Variants in RANBP2 observed in about 807,000 individuals in gnomAD.
RANBP2 encodes E3 SUMO-protein ligase RanBP2.
RANBP2 carries 57 observed loss-of-function variants against 303.6 expected under a neutral mutation model. The observed-to-expected ratio is 0.19, with a 90% CI of 0.15 to 0.23. The LOEUF (loss-of-function observed/expected upper bound fraction) is 0.23. Among genes scored for constraint, RANBP2 ranks in the 10% least tolerant of loss-of-function variants. The pLI is 1.00. For synonymous variants in RANBP2, 1,167 were observed against 1,301.5 expected, an observed-to-expected ratio of 0.90 and a Z score of 2.23; for missense variants, 3,138 against 3,780.8, an observed-to-expected ratio of 0.83 and a Z score of 4.46.
chr2:109,423,884 C>T, the RANBP2 span, among the ~76,000 whole-genome samples: 15 of 152,218 alleles, frequency 9.9e-5, no homozygotes, highest in African/African-American at 2.4e-4. Flanking sequence ...GAGGGCACAG[C>T]TGGGACCCCA....
At chr2:109,367,558 A>G in the RANBP2 span, among the ~76,000 whole-genome samples, 1 of 152,232 alleles carries the variant, frequency 6.6e-6, no homozygotes, top group Non-Finnish European at 1.5e-5. Flanking sequence ...CTGGGATTAC[A>G]GGCATGAGCC....
chr2:109,619,287 A>G, the RANBP2 span, among the ~76,000 whole-genome samples: 1 of 152,242 alleles, frequency 6.6e-6, no homozygotes, highest in Non-Finnish European at 1.5e-5. Flanking sequence ...GTTTGGCACC[A>G]GTGATGGAGG....
chr2:109,307,817 C>G, the RANBP2 span, among the ~76,000 whole-genome samples: 2 of 143,772 alleles, frequency 1.4e-5, no homozygotes, highest in African/African-American at 2.7e-5. Context: ...TTAATCCAGT[C>G]TATCATTGTT....
the RANBP2 span, among the ~76,000 whole-genome samples, chr2:109,688,782 A>T: frequency 0.035 from 3,397 of 97,444 alleles, 50 homozygotes; most frequent in African/African-American, 0.079. Flanking sequence ...CTGTCTCAAT[A>T]AAAAAAAAAA....
the RANBP2 span, chr2:108,897,378 A>G: frequency 3.8e-6 from 3 of 782,998 alleles, no homozygotes; most frequent in African/African-American, 3.4e-5. Context: ...AAACAAATGC[A>G]TAACTTAAGG....
the RANBP2 span, chr2:108,815,830 T>C: frequency 4.5e-6 from 4 of 887,652 alleles, no homozygotes; most frequent in African/African-American, 1.7e-5. Context: ...TAACACATTT[T>C]AGTGAATTAC....
chr2:109,153,073 G>C, the RANBP2 span, among the ~76,000 whole-genome samples: 2 of 152,172 alleles, frequency 1.3e-5, no homozygotes, highest in Non-Finnish European at 2.9e-5. Flanking sequence ...GCAAAGACAA[G>C]ACAGTCACTG....
the RANBP2 span, among the ~76,000 whole-genome samples, chr2:109,217,934 A>G: frequency 2.2e-4 from 33 of 152,198 alleles, no homozygotes; most frequent in Admixed American, 2.2e-3. Flanking sequence ...AAGACAGCTC[A>G]GCCAGGACCT....
the RANBP2 span, among the ~76,000 whole-genome samples, chr2:108,850,443 T>G: frequency 1.3e-5 from 2 of 152,134 alleles, no homozygotes; most frequent in African/African-American, 2.4e-5. Flanking sequence ...TGGCGAGTTT[T>G]TTTTGTTTTG....
chr2:109,688,350 T>C, the RANBP2 span, among the ~76,000 whole-genome samples: 1 of 152,124 alleles, frequency 6.6e-6, no homozygotes, highest in African/African-American at 2.4e-5. Flanking sequence ...TTTGGCTCTG[T>C]GAAGGCTCTC....
At chr2:109,441,470 A>T in the RANBP2 span, among the ~76,000 whole-genome samples, 2 of 152,210 alleles carry the variant, frequency 1.3e-5, no homozygotes, top group African/African-American at 4.8e-5. Context: ...TGTAAACTTG[A>T]AGATATAGTA....
chr2:108,852,207 ACAAT>A, the RANBP2 span, among the ~76,000 whole-genome samples: 1 of 152,224 alleles, frequency 6.6e-6, no homozygotes. Flanking sequence ...TTAGCTGCAC[ACAAT>A]CAGTATGTGA....
chr2:108,860,219 A>G, the RANBP2 span, among the ~76,000 whole-genome samples: 1 of 152,024 alleles, frequency 6.6e-6, no homozygotes, highest in Admixed American at 6.5e-5. Context: ...CACTGAAGTC[A>G]TGTTTCAGGT....
chr2:109,583,853 G>A, the RANBP2 span, among the ~76,000 whole-genome samples: 105 of 152,270 alleles, frequency 6.9e-4, 1 homozygote, highest in African/African-American at 2.5e-3. Context: ...GGATGAAGCT[G>A]GAGGCCGTTA....
At position 108,781,340 on chromosome 2, in the gene RANBP2, G is replaced by C; in HGVS notation, c.8671G>C (p.Gly2891Arg). The C allele has an allele frequency of 6.2e-7, 1 of 1,614,152 alleles. No homozygotes were observed. Among genetic ancestry groups the C allele is most frequent in the Non-Finnish European group, 8.5e-7 (1 of 1,180,018 alleles). ...GTQSVGTQSAGKVGEDEDGSD... is the reference protein window; with the variant it reads ...GTQSVGTQSARKVGEDEDGSD... Reference sequence around the variant, plus strand: ...ACAGTCAGTCGGAACCCAGTCAGCCGGTAAAGTTGGTGAAGATGAAGATGG... The same window carrying C: ...ACAGTCAGTCGGAACCCAGTCAGCCCGTAAAGTTGGTGAAGATGAAGATGG... Residue 2891 changes from glycine to arginine, a missense_variant, in exon 26 of 29, where the codon GGT becomes CGT. Gly to Arg is a moderately radical substitution (Grantham distance 125). Around this residue, in one of 20 missense-constraint regions of RANBP2, gnomAD observed 497 missense variants for 465.8 expected, o/e 1.07. Transcript: ENST00000283195.
chr2:109,119,902 G>A, the RANBP2 span, among the ~76,000 whole-genome samples: 5 of 152,210 alleles, frequency 3.3e-5, no homozygotes, highest in African/African-American at 1.2e-4. Context: ...CATTGTTTAT[G>A]AAGATTTTTA....
At chr2:109,200,576 A>C in the RANBP2 span, among the ~76,000 whole-genome samples, 1 of 152,082 alleles carries the variant, frequency 6.6e-6, no homozygotes, top group Non-Finnish European at 1.5e-5. Flanking sequence ...TCTTCTAGGC[A>C]CCGCCGACCT....
the RANBP2 span, among the ~76,000 whole-genome samples, chr2:109,320,806 A>G: frequency 6.6e-6 from 1 of 152,200 alleles, no homozygotes; most frequent in Non-Finnish European, 1.5e-5. Flanking sequence ...CTTGCTGTAC[A>G]TGGACAGGCA....
the RANBP2 span, among the ~76,000 whole-genome samples, chr2:109,719,027 A>AAAAAAAAAAAAAAAC: frequency 8.5e-6 from 1 of 118,216 alleles, no homozygotes; most frequent in African/African-American, 2.8e-5. Flanking sequence ...AAAAAAAAAA[A>AAAAAAAAAAAAAAAC]AGAAACAAAA....
Sources: gnomAD v4.1 joint callset for allele counts (sites outside exome capture counted in the v4.1 genomes callset) on GRCh38, gnomAD v4.1.1 for gene constraint, gnomAD v4.1.1 regional missense constraint, MANE v1.5 for transcripts, NCBI Gene and HGNC (gene_info 2026-07-23, HGNC 2026-07-21) for gene names.